The following KDM4B variants were observed in gnomAD, a reference collection of about 807,000 sequenced individuals.
KDM4B encodes lysine-specific demethylase 4B.
KDM4B carries 32 observed loss-of-function variants against 125.2 expected under a neutral mutation model. The observed-to-expected ratio is 0.26, with a 90% CI of 0.19 to 0.34. KDM4B has a LOEUF of 0.34. Among genes scored for constraint, KDM4B ranks in the 10% least tolerant of loss-of-function variants. The pLI is 1.00. For missense variants in KDM4B, 1,190 were observed against 1,577.7 expected, an observed-to-expected ratio of 0.75 and a Z score of 4.16; for synonymous variants, 721 against 677.9, an observed-to-expected ratio of 1.06 and a Z score of -0.99.
chr19:5,120,267 C>T (rs1380338706), intron 11 of KDM4B, among the ~76,000 whole-genome samples: 3 of 152,164 alleles, frequency 2.0e-5, no homozygotes, highest in Non-Finnish European at 4.4e-5. Flanking sequence ...CGTAGTGAGC[C>T]GTGTTTGCAC....
chr19:5,051,305 G>A (rs2037215571), intron 6 of KDM4B, among the ~76,000 whole-genome samples: 1 of 152,232 alleles, frequency 6.6e-6, no homozygotes, highest in Non-Finnish European at 1.5e-5. Flanking sequence ...GGCCCACGCT[G>A]CCTGGGAAAG....
At chr19:5,008,591 C>CTTT (rs550611814) in intron 1 of KDM4B, among the ~76,000 whole-genome samples, 10 of 135,540 alleles carry the variant, frequency 7.4e-5, no homozygotes, top group East Asian at 2.1e-4. Context: ...TTTTCTTTTT[C>CTTT]TTTTTTTTTT....
chr19:5,035,247 A>ACCGCATCTGCCTCTGTCTCCTGCCC lies in KDM4B; in HGVS notation c.141+2217_141+2241dup, dbSNP rs2036581309. Among the ~76,000 whole-genome samples, 1 of 151,952 alleles carries ACCGCATCTGCCTCTGTCTCCTGCCC rather than the reference A, an allele frequency of 6.6e-6. No individual in the cohort carries two copies. The highest frequency in any genetic ancestry group is 2.1e-4 in the South Asian group (1 of 4,816). ...AGGCGTCGCCTCCCTTTATCCTGGCACCGCATCTGCCTCTGTCTCCTGCCC... is the reference window on the plus strand; with the variant it reads ...AGGCGTCGCCTCCCTTTATCCTGGCACCGCATCTGCCTCTGTCTCCTGCCCCCGCATCTGCCTCTGTCTCCTGCCC... On this transcript the variant is annotated intron_variant, in intron 3 of 22. Coordinates refer to ENST00000159111, the MANE Select transcript of KDM4B (RefSeq NM_015015.3). The surrounding 1 kb of genome is among the most constrained non-coding windows in gnomAD (Gnocchi z 5.3).
At chr19:5,002,312 C>T (rs1008172737) in intron 1 of KDM4B, among the ~76,000 whole-genome samples, 3 of 151,902 alleles carry the variant, frequency 2.0e-5, no homozygotes, top group Non-Finnish European at 4.4e-5. Flanking sequence ...TATTTTCCCT[C>T]GGTCTCTGGA....
At chr19:5,106,248 T>TTGTG (rs35386151) in intron 9 of KDM4B, among the ~76,000 whole-genome samples, 12 of 151,278 alleles carry the variant, frequency 7.9e-5, no homozygotes, top group Non-Finnish European at 1.2e-4. Context: ...GTTAGAGTCA[T>TTGTG]TGTGTGTGTG....
intron 1 of KDM4B, among the ~76,000 whole-genome samples, chr19:4,981,981 A>G (rs1299655576): frequency 6.6e-6 from 1 of 152,198 alleles, no homozygotes. Context: ...AGAACATGTT[A>G]CTAAAACGAT....
intron 1 of KDM4B, among the ~76,000 whole-genome samples, chr19:4,972,056 T>C (rs1421997074): frequency 6.6e-6 from 1 of 152,200 alleles, no homozygotes; most frequent in Non-Finnish European, 1.5e-5. Flanking sequence ...GGACCTGCCA[T>C]GAGGCAGCTC....
intron 1 of KDM4B, among the ~76,000 whole-genome samples, chr19:4,994,898 C>G (rs978424673): frequency 1.3e-5 from 2 of 152,148 alleles, no homozygotes; most frequent in African/African-American, 4.8e-5. Flanking sequence ...TTATAGGCAT[C>G]TTAACTTCTC....
intron 21 of KDM4B, 90 bp downstream of exon 21, chr19:5,144,992 G>A: frequency 6.4e-7 from 1 of 1,554,304 alleles, no homozygotes; most frequent in Admixed American, 1.9e-5. Context: ...TGGCCCAGGT[G>A]CCTTTGCCTG....
intron 5 of KDM4B, among the ~76,000 whole-genome samples, chr19:5,046,801 A>G (rs937565458): frequency 6.6e-6 from 1 of 152,178 alleles, no homozygotes; most frequent in African/African-American, 2.4e-5. Flanking sequence ...CCAAGTGGTG[A>G]CTGTTTTTCT....
chr19:5,128,694 G>A (rs1263709464), intron 11 of KDM4B, among the ~76,000 whole-genome samples: 1 of 151,992 alleles, frequency 6.6e-6, no homozygotes, highest in East Asian at 1.9e-4. Flanking sequence ...CCTCCCCTCT[G>A]CATCTCCACG....
At chr19:5,071,137 TC>T (rs1388386213) in intron 7 of KDM4B, 78 bp downstream of exon 7, 18 of 1,349,484 alleles carry the variant, frequency 1.3e-5, no homozygotes, top group Admixed American at 5.6e-5. Flanking sequence ...GCAGCTGGCG[TC>T]CCCCGGGCTC....
chr19:5,020,500 G>C (rs1042615489), intron 2 of KDM4B, among the ~76,000 whole-genome samples: 29 of 152,166 alleles, frequency 1.9e-4, no homozygotes, highest in African/African-American at 6.8e-4. Flanking sequence ...ATTCCCACCA[G>C]CCGTGCATGA....
At chr19:5,077,823 A>C in intron 8 of KDM4B, 1 of 276,542 alleles carries the variant, frequency 3.6e-6, no homozygotes, top group South Asian at 4.8e-5. Context: ...AACAGAGGGC[A>C]GGGCCCCTCG....
At chr19:4,999,596 C>T (rs534765574) in intron 1 of KDM4B, among the ~76,000 whole-genome samples, 28 of 152,270 alleles carry the variant, frequency 1.8e-4, no homozygotes, top group African/African-American at 6.7e-4. Flanking sequence ...CACACATGTA[C>T]ATTGTGTGTG....
intron 7 of KDM4B, among the ~76,000 whole-genome samples, chr19:5,073,044 C>A (rs2037997390): frequency 6.6e-6 from 1 of 152,224 alleles, no homozygotes; most frequent in Non-Finnish European, 1.5e-5. Context: ...GTTCTGAGGA[C>A]CCATGGAATG....
At chr19:5,042,465 C>G (rs528918073) in intron 5 of KDM4B, among the ~76,000 whole-genome samples, 2 of 151,656 alleles carry the variant, frequency 1.3e-5, no homozygotes, top group Admixed American at 6.6e-5. Context: ...GCGCCACTGC[C>G]CCGCAGCCTG....
rs1158389001 is a variant in KDM4B at position 5,035,960 on chromosome 19, G to A, written c.141+2929G>A. ...ACACAGCCCAGAGAGCTTGGCAGCT[G>A]CAGAGTCACGTTGGCACCCGCATGT... On this transcript the variant is annotated intron_variant, in intron 3 of 22. Coordinates refer to ENST00000159111, the MANE Select transcript of KDM4B (RefSeq NM_015015.3). The surrounding 1 kb of genome is among the most constrained non-coding windows in gnomAD (Gnocchi z 5.3). Among the ~76,000 whole-genome samples the A allele has an allele frequency of 6.6e-6, 1 of 151,926 alleles. No homozygotes were observed. Among genetic ancestry groups the A allele is most frequent in the Non-Finnish European group, 1.5e-5 (1 of 68,002 alleles).
Position 5,151,427 on chromosome 19 carries a change from G to T in KDM4B, c.3207G>T (p.Thr1069=). The T allele has an allele frequency of 6.4e-7, 1 of 1,568,974 alleles. No individual in the cohort carries two copies. The highest frequency in any genetic ancestry group is 1.2e-5 in the South Asian group (1 of 85,412). ...CGCGTGTGGGCACCCCGCTTGCCAC[G>T]GAGGACTCCGGGCGGAGCCAGGACT... ...KRPRVGTPLA[T]EDSGRSQDYV... is the part of the protein sequence containing the mutation. The change falls in exon 23 of 23, where the codon ACG becomes ACT. Residue 1069 remains threonine, a synonymous_variant. Coordinates refer to ENST00000159111, the MANE Select transcript of KDM4B (RefSeq NM_015015.3).
Sources: allele counts gnomAD v4.1 joint callset (sites outside exome capture counted in the v4.1 genomes callset), GRCh38; gene constraint gnomAD v4.1.1; non-coding constraint Gnocchi (gnomAD v3.1); transcripts MANE v1.5; gene names NCBI Gene and HGNC (gene_info 2026-07-23, HGNC 2026-07-21).